Variants in KIF5B observed in about 807,000 individuals in gnomAD.
KIF5B encodes kinesin family member 5B.
In KIF5B, 49 loss-of-function variants were observed where a neutral mutation model predicts 132.8. That is an observed-to-expected ratio of 0.37 (90% CI 0.29 to 0.47). The LOEUF is 0.47. Ranked by LOEUF, KIF5B falls within the 20% of genes least tolerant of loss-of-function variation. KIF5B has a pLI of 1.00. For synonymous variants in KIF5B, 355 were observed against 369.4 expected (o/e 0.96, Z 0.45); for missense variants, 780 against 1,144.0 (o/e 0.68, Z 4.59).
chr10:32,040,945 G>A (rs1481367712), intron 2 of KIF5B, among the ~76,000 whole-genome samples: 6 of 148,588 alleles, frequency 4.0e-5, no homozygotes, highest in East Asian at 2.0e-4. Context: ...CCGAGATCGC[G>A]CCACTGCACT....
chr10:32,013,863 C>G (rs1841118917), intron 25 of KIF5B, among the ~76,000 whole-genome samples: 1 of 152,224 alleles, frequency 6.6e-6, no homozygotes, highest in Non-Finnish European at 1.5e-5. Flanking sequence ...AGTCCCTGTT[C>G]TTTTCACTCT....
In KIF5B at chr10:32,024,146, C is replaced by CTTTT. The variant is rs769483155; in HGVS notation, c.1726-1114_1726-1111dup. On this transcript the variant is annotated intron_variant, in intron 15 of 25. Coordinates refer to ENST00000302418, the MANE Select transcript of KIF5B (RefSeq NM_004521.3). ...TTATATCCAAAACATATGAAGAACT[C>CTTTT]TTTTTTTTTTTTTTTTTTTTTTTTT... is the stretch of plus-strand genomic sequence containing the variant. 5.8e-3 allele frequency among the ~76,000 whole-genome samples: 408 copies of CTTTT among 69,750 alleles called. 80 individuals are homozygous for CTTTT. Among genetic ancestry groups the CTTTT allele is most frequent in the African/African-American group, 0.017 (276 of 16,262 alleles). 45.8% of individuals were successfully genotyped at this position (69,750 alleles called of 152,430 possible). A position where few individuals can be genotyped will look rare whatever the true frequency, so the allele number is the denominator to read the frequency against.
intron 15 of KIF5B, among the ~76,000 whole-genome samples, chr10:32,025,990 A>G (rs1383455127): frequency 6.6e-6 from 1 of 152,246 alleles, no homozygotes; most frequent in African/African-American, 2.4e-5. Context: ...GTGAATAGCA[A>G]AAACACTGGG....
chr10:32,053,490 C>T (rs1320051372), intron 1 of KIF5B, among the ~76,000 whole-genome samples: 1 of 150,976 alleles, frequency 6.6e-6, no homozygotes, highest in African/African-American at 2.4e-5. Context: ...TTTGGGAGGC[C>T]AAGACAGGTG....
At chr10:32,044,810 A>T (rs1243396714) in intron 2 of KIF5B, among the ~76,000 whole-genome samples, 1 of 152,242 alleles carries the variant, frequency 6.6e-6, no homozygotes, top group Non-Finnish European at 1.5e-5. Flanking sequence ...GTAACTTGCC[A>T]AAAGTCACAC....
rs143494405 is a variant in KIF5B at position 32,009,028 on chromosome 10, T to G, written c.*2509A>C. ...AAAGTCATTACATTTCAAAAAATTTTCCTCTTTATTTAAACATAAAACGCA... is the reference window on the plus strand; with the variant it reads ...AAAGTCATTACATTTCAAAAAATTTGCCTCTTTATTTAAACATAAAACGCA... On this transcript the variant is annotated 3_prime_UTR_variant, in exon 26 of 26. Transcript: ENST00000302418. The G allele has an allele frequency of 1.3e-5, 2 of 152,296 alleles. No homozygotes were observed. Among genetic ancestry groups the G allele is most frequent in the East Asian group, 3.9e-4 (2 of 5,186 alleles). 9.4% of individuals were successfully genotyped at this position (152,296 alleles called of 1,614,324 possible).
At chr10:32,029,551 A>G (rs1237693188) in intron 14 of KIF5B, among the ~76,000 whole-genome samples, 1 of 152,208 alleles carries the variant, frequency 6.6e-6, no homozygotes, top group Admixed American at 6.5e-5. Flanking sequence ...TTAATCTACA[A>G]TATGATACCA....
At chr10:32,022,346 T>G in intron 16 of KIF5B, 89 bp from the exon 17 acceptor site, 1 of 662,008 alleles carries the variant, frequency 1.5e-6, no homozygotes, top group East Asian at 2.6e-5. Context: ...TATCTATATA[T>G]GATAAATTTG....
intron 9 of KIF5B, 47 bp from the exon 10 acceptor site, chr10:32,035,714 G>T: frequency 1.3e-6 from 2 of 1,522,654 alleles, no homozygotes; most frequent in Non-Finnish European, 1.8e-6. Flanking sequence ...ATAATAAAAT[G>T]TTATTATAAA....
chr10:32,022,407 A>C (rs1806816856), intron 16 of KIF5B, 150 bp from the exon 17 acceptor site: 2 of 576,496 alleles, frequency 3.5e-6, no homozygotes, highest in Non-Finnish European at 6.1e-6. Context: ...ATGTTAAAGA[A>C]TGTAATCAAT....
At chr10:32,024,246 C>T (rs1841305778) in intron 15 of KIF5B, among the ~76,000 whole-genome samples, 1 of 140,788 alleles carries the variant, frequency 7.1e-6, no homozygotes, top group Non-Finnish European at 1.5e-5. Context: ...GCTCCGCCTC[C>T]CGGGTTCACG....
chr10:32,048,423 T>A, intron 2 of KIF5B, 41 bp downstream of exon 2: 1 of 1,326,690 alleles, frequency 7.5e-7, no homozygotes, highest in Admixed American at 2.1e-5. Context: ...CAAACTTATT[T>A]ACTTATTGCT....
chr10:32,046,476 T>C (rs1425111710), intron 2 of KIF5B, among the ~76,000 whole-genome samples: 1 of 152,230 alleles, frequency 6.6e-6, no homozygotes, highest in African/African-American at 2.4e-5. Flanking sequence ...ACCATTACTG[T>C]TGTAATAAAA....
chr10:32,030,032 A>C (rs1409645101), intron 14 of KIF5B, among the ~76,000 whole-genome samples: 1 of 152,234 alleles, frequency 6.6e-6, no homozygotes, highest in Non-Finnish European at 1.5e-5. Flanking sequence ...CAGGGAAATA[A>C]GTGGTGGACA....
intron 10 of KIF5B, among the ~76,000 whole-genome samples, chr10:32,035,298 T>A (rs994409445): frequency 6.6e-6 from 1 of 152,224 alleles, no homozygotes; most frequent in Non-Finnish European, 1.5e-5. Context: ...TTACAGCTTG[T>A]CACACAAATT....
Position 32,011,388 on chromosome 10 carries a change from C to T in KIF5B, c.*149G>A, listed in dbSNP as rs767245779. 1 of 152,528 alleles carries T rather than the reference C, an allele frequency of 6.6e-6. No homozygotes were observed. Among genetic ancestry groups the T allele is most frequent in the Non-Finnish European group, 1.5e-5 (1 of 68,016 alleles). 9.4% of individuals were successfully genotyped at this position (152,528 alleles called of 1,614,324 possible). On this transcript the variant is annotated 3_prime_UTR_variant, in exon 26 of 26. Transcript: ENST00000302418. The stretch of plus-strand genomic sequence containing the variant: ...GAAGAGTAGGTAGGAAACAGCTGTA[C>T]AGGCCAGGTATAATTTATACATTTT...
chr10:32,037,217 A>G (rs1458947351), intron 8 of KIF5B, 37 bp downstream of exon 8: 1 of 1,589,784 alleles, frequency 6.3e-7, no homozygotes, highest in Non-Finnish European at 8.6e-7. Context: ...GTTTACAAAG[A>G]TGCTTAAATA....
intron 1 of KIF5B, among the ~76,000 whole-genome samples, chr10:32,055,172 T>C (rs1841736895): frequency 6.6e-6 from 1 of 151,850 alleles, no homozygotes. Context: ...ACAAAACTGA[T>C]CATCCTGTTT....
At chr10:32,017,876 G>T (rs1413402394) in intron 23 of KIF5B, among the ~76,000 whole-genome samples, 176 bp downstream of exon 23, 1 of 152,114 alleles carries the variant, frequency 6.6e-6, no homozygotes, top group African/African-American at 2.4e-5. Context: ...TAATAACGTT[G>T]TTAAAAATAT....
Sources: allele counts gnomAD v4.1 joint callset (sites outside exome capture counted in the v4.1 genomes callset), GRCh38; gene constraint gnomAD v4.1.1; transcripts MANE v1.5; gene names NCBI Gene and HGNC (gene_info 2026-07-23, HGNC 2026-07-21).